NOP9: variants seen among roughly 807,000 people sequenced by gnomAD.
NOP9 encodes the protein nucleolar protein 9.
NOP9 carries 50 observed loss-of-function variants against 63.0 expected under a neutral mutation model. That is an observed-to-expected ratio of 0.79 (90% CI 0.63 to 1.00). NOP9 has a LOEUF of 1.00. Among genes scored for constraint, NOP9 ranks in the 50% least tolerant of loss-of-function variants. The pLI is 0.00. For missense variants in NOP9, 758 were observed against 803.0 expected (o/e 0.94, Z 0.68); for synonymous variants, 343 against 332.8 (o/e 1.03, Z -0.33).
Position 24,303,193 on chromosome 14 carries a change from G to A in NOP9, c.1263G>A (p.Lys421=). The A allele has an allele frequency of 1.9e-6, 3 of 1,614,070 alleles. No individual in the cohort carries two copies. Among genetic ancestry groups the A allele is most frequent in the Non-Finnish European group, 1.7e-6 (2 of 1,180,016 alleles). ...ACRRVGAYQA[K]VLQLLLEAFH... Reference sequence around the variant, plus strand: ...GCAGAGTTGGGGCCTACCAAGCCAAGGTCCTACAGCTCTTGTTGGAGGTGA... The same window carrying A: ...GCAGAGTTGGGGCCTACCAAGCCAAAGTCCTACAGCTCTTGTTGGAGGTGA... Residue 421 remains lysine, a synonymous_variant, in exon 6 of 10, where the codon AAG becomes AAA. Transcript: ENST00000267425.
At chr14:24,280,893 G>GA in the NOP9 span, among the ~76,000 whole-genome samples, 8 of 152,196 alleles carry the variant, frequency 5.3e-5, no homozygotes. Context: ...CCAGGGCAGG[G>GA]AGCTTGGTCA....
At position 24,300,043 on chromosome 14, in the gene NOP9, G is replaced by A. The variant is rs762297365; in HGVS notation, c.89G>A (p.Arg30His). The A allele has an allele frequency of 1.1e-5, 17 of 1,609,732 alleles. No homozygotes were observed. The highest frequency in any genetic ancestry group is 1.4e-5 in the Non-Finnish European group (17 of 1,178,548). The change falls in exon 1 of 10, where the codon CGC (arginine) becomes CAC (histidine). Residue 30 changes from arginine (R) to histidine (H), a missense_variant. Arg to His is a conservative substitution (Grantham distance 29, BLOSUM62 0). Coordinates refer to ENST00000267425, the MANE Select transcript of NOP9 (RefSeq NM_174913.3). ...GGGCGCGGGGCCAAGGGGTCGGGGC[G>A]CCCCTTACCAGGCCGTAAGCGGCAA... ...KRGRGAKGSG[R>H]PLPGRKRQPW...
chr14:24,278,428 G>A, the NOP9 span, among the ~76,000 whole-genome samples: 6 of 152,328 alleles, frequency 3.9e-5, no homozygotes, highest in East Asian at 9.6e-4. Flanking sequence ...CCTAGTGATG[G>A]CACTTTTTCA....
chr14:24,295,674 T>C (rs1016003786), upstream of NOP9, among the ~76,000 whole-genome samples: 1 of 152,214 alleles, frequency 6.6e-6, no homozygotes, highest in Admixed American at 6.5e-5. Flanking sequence ...CACTGGCCAA[T>C]TTCCAGCTCT....
chr14:24,303,918 C>T, intron 7 of NOP9, 61 bp downstream of exon 7: 4 of 1,602,332 alleles, frequency 2.5e-6, no homozygotes, highest in Non-Finnish European at 3.4e-6. Flanking sequence ...CAGGGTTTAG[C>T]AAGCGTCTGA....
At chr14:24,290,935 C>T in the NOP9 span, 1 of 1,613,904 alleles carries the variant, frequency 6.2e-7, no homozygotes, top group African/African-American at 1.3e-5. Context: ...GGCCAGCCAG[C>T]CCAGGCCGGA....
intron 6 of NOP9, 143 bp downstream of exon 6, chr14:24,303,357 C>T (rs979694766): frequency 2.0e-5 from 20 of 1,000,608 alleles, no homozygotes; most frequent in African/African-American, 3.3e-5. Context: ...AAAATGAGGC[C>T]TATAGGTGCC....
the NOP9 span, among the ~76,000 whole-genome samples, chr14:24,288,930 T>G: frequency 7.9e-5 from 12 of 152,052 alleles, no homozygotes; most frequent in African/African-American, 2.9e-4. Context: ...CCTCCCACCT[T>G]AGCCTCCTGA....
the NOP9 span, among the ~76,000 whole-genome samples, chr14:24,286,891 C>G: frequency 6.7e-6 from 1 of 149,642 alleles, no homozygotes; most frequent in Non-Finnish European, 1.5e-5. Context: ...CCACCGCGCC[C>G]GGCCTATTTT....
chr14:24,288,004 G>C, the NOP9 span, among the ~76,000 whole-genome samples: 174 of 152,350 alleles, frequency 1.1e-3, 1 homozygote, highest in African/African-American at 4.0e-3. Flanking sequence ...GACTGTTCAT[G>C]TGCCATTCCC....
chr14:24,300,591 A>G lies in NOP9; in HGVS notation c.431A>G (p.His144Arg), dbSNP rs780581452. Residue 144 changes from histidine (H) to arginine (R), a missense_variant, in exon 2 of 10, where the codon CAT becomes CGT. His to Arg is a conservative substitution (Grantham distance 29). Coordinates refer to ENST00000267425, the MANE Select transcript of NOP9 (RefSeq NM_174913.3). Reference protein sequence around the residue: ...RTVACHRCGVHVLQSALLQLP... With the variant: ...RTVACHRCGVRVLQSALLQLP... Reference sequence around the variant, plus strand: ...GTGGCCTGTCACCGATGCGGGGTCCATGTATTACAAAGTGCTTTGCTACAG... The same window carrying G: ...GTGGCCTGTCACCGATGCGGGGTCCGTGTATTACAAAGTGCTTTGCTACAG... 5.0e-6 allele frequency: 8 copies of G among 1,614,154 alleles called. No individual in the cohort carries two copies. Among genetic ancestry groups the G allele is most frequent in the Admixed American group, 1.7e-5 (1 of 60,030 alleles).
At chr14:24,303,609 C>A in intron 6 of NOP9, 123 bp from the exon 7 acceptor site, 1 of 988,216 alleles carries the variant, frequency 1.0e-6, no homozygotes, top group Non-Finnish European at 1.6e-6. Flanking sequence ...ATGACATCTG[C>A]TTTCATGGAG....
At position 24,300,511 on chromosome 14, in the gene NOP9, T is replaced by G. The variant is rs768704589; in HGVS notation, c.351T>G (p.Ser117Arg). Reference sequence around the variant, plus strand: ...TGCTGCAGGAACTGTTGGGATTCAGTCCCTTGAAACCGCTTTGTCGCGTGT... The same window carrying G: ...TGCTGCAGGAACTGTTGGGATTCAGGCCCTTGAAACCGCTTTGTCGCGTGT... ...SEMLQELLGF[S>R]PLKPLCRVWA... The change falls in exon 2 of 10, where the codon AGT (serine) becomes AGG (arginine). Residue 117 changes from serine to arginine, a missense_variant. Coordinates refer to ENST00000267425, the MANE Select transcript of NOP9 (RefSeq NM_174913.3). The G allele has an allele frequency of 6.2e-7, 1 of 1,614,234 alleles. No individual in the cohort carries two copies. The highest frequency in any genetic ancestry group is 8.5e-7 in the Non-Finnish European group (1 of 1,180,028).
At chr14:24,290,839 G>A in the NOP9 span, 9 of 1,613,178 alleles carry the variant, frequency 5.6e-6, no homozygotes, top group African/African-American at 9.4e-5. Context: ...AAGCAGAGAC[G>A]TAGTGTCAGA....
chr14:24,300,380 T>C, intron 1 of NOP9, 28 bp from the exon 2 acceptor site: 2 of 1,596,638 alleles, frequency 1.3e-6, no homozygotes, highest in Non-Finnish European at 1.7e-6. Context: ...CTAAGTCTCT[T>C]CAAAGTGTGT....
chr14:24,291,640 C>T, the NOP9 span: 1 of 1,613,488 alleles, frequency 6.2e-7, no homozygotes, highest in Admixed American at 1.7e-5. Flanking sequence ...AACACAGGGG[C>T]AGAGAAGTGA....
At chr14:24,282,056 G>A in the NOP9 span, among the ~76,000 whole-genome samples, 7 of 152,146 alleles carry the variant, frequency 4.6e-5, no homozygotes. Flanking sequence ...AAATTAGCCA[G>A]GCATGATGTA....
rs1228122702 is a variant in NOP9 at position 24,307,788 on chromosome 14, T to G, written c.*2693T>G. 1 of 1,578,720 alleles carries G rather than the reference T, an allele frequency of 6.3e-7. No individual in the cohort carries two copies. Among genetic ancestry groups the G allele is most frequent in the South Asian group, 1.2e-5 (1 of 86,676 alleles). On this transcript the variant is annotated 3_prime_UTR_variant, in exon 10 of 10. Coordinates refer to ENST00000267425, the MANE Select transcript of NOP9 (RefSeq NM_174913.3). ...TTGCCCTGCCTATATCCCCTAAAGG[T>G]GGAGGGTAGAGCGGAGGGTTAGCAG...
Position 24,301,669 on chromosome 14 carries a change from C to A in NOP9, c.755C>A (p.Thr252Asn). 1.2e-6 allele frequency: 2 copies of A among 1,614,134 alleles called. No homozygotes were observed. The highest frequency in any genetic ancestry group is 1.7e-6 in the Non-Finnish European group (2 of 1,179,992). The change falls in exon 3 of 10, where the codon ACC (threonine) becomes AAC (asparagine). Residue 252 changes from threonine (T) to asparagine (N), a missense_variant. Coordinates refer to ENST00000267425, the MANE Select transcript of NOP9 (RefSeq NM_174913.3). ...CCAGCTGATTTTGAAGTCCCTGAAA[C>A]CTTTTTGAATCGCCTTCAGGACCTG... ...CKPADFEVPE[T>N]FLNRLQDLSS...
Sources: allele counts gnomAD v4.1 joint callset (sites outside exome capture counted in the v4.1 genomes callset), GRCh38; gene constraint gnomAD v4.1.1; transcripts MANE v1.5; gene names NCBI Gene and HGNC (gene_info 2026-07-23, HGNC 2026-07-21).